C18orf54: variants seen among roughly 807,000 people sequenced by gnomAD.
C18orf54 encodes the protein chromosome 18 open reading frame 54, also known as lung adenoma susceptibility protein 2.
A neutral mutation model predicts 49.3 loss-of-function variants in C18orf54; 49 were observed. That is an observed-to-expected ratio of 0.99 (90% CI 0.79 to 1.26). The LOEUF is 1.26. Among genes scored for constraint, C18orf54 ranks in the 50% most tolerant of loss-of-function variants. The pLI is 0.00. For missense variants in C18orf54, 687 were observed against 620.6 expected (o/e 1.11, Z -1.14); for synonymous variants, 211 against 216.6 (o/e 0.97, Z 0.23).
At chr18:54,359,721 C>G (rs978027545) in intron 2 of C18orf54, among the ~76,000 whole-genome samples, 2 of 152,096 alleles carry the variant, frequency 1.3e-5, no homozygotes, top group African/African-American at 4.8e-5. Flanking sequence ...CCGGTTCGTT[C>G]TGTGATTTCT....
chr18:54,375,036 A>C (rs191072344), intron 8 of C18orf54, among the ~76,000 whole-genome samples: 16 of 152,128 alleles, frequency 1.1e-4, no homozygotes, highest in African/African-American at 3.1e-4. Context: ...TAGTTTTCAT[A>C]GTTAAAATGT....
At chr18:54,360,921 G>T in intron 3 of C18orf54, 66 bp downstream of exon 3, 1 of 1,412,514 alleles carries the variant, frequency 7.1e-7, no homozygotes, top group South Asian at 1.3e-5. Context: ...ATGTACTGTA[G>T]TATTGTAAAG....
intron 8 of C18orf54, among the ~76,000 whole-genome samples, chr18:54,374,839 C>T (rs879848897): frequency 2.0e-5 from 3 of 151,826 alleles, no homozygotes; most frequent in Admixed American, 6.6e-5. Flanking sequence ...TATGAAGTGT[C>T]CTCAGAAGAT....
intron 2 of C18orf54, among the ~76,000 whole-genome samples, chr18:54,359,569 A>G (rs994182500): frequency 1.3e-5 from 2 of 152,228 alleles, no homozygotes; most frequent in African/African-American, 2.4e-5. Flanking sequence ...AGTTGTTATA[A>G]CAAATATTTC....
Position 54,362,220 on chromosome 18 carries a change from G to A in C18orf54, c.861G>A (p.Gln287=), listed in dbSNP as rs2089286084. The part of the protein sequence containing the change: ...QRVYQIFKDD[Q]CSPRHSHQAQ... ...TTTATCAGATATTTAAAGATGATCA[G>A]TGTTCCCCTAGACATAGTCATCAGG... The change falls in exon 4 of 9, where the codon CAG becomes CAA. Residue 287 remains glutamine (Q), a synonymous_variant. Coordinates refer to ENST00000620105, the MANE Select transcript of C18orf54 (RefSeq NM_001288980.2). The A allele has an allele frequency of 1.3e-6, 2 of 1,536,324 alleles. No homozygotes were observed. The highest frequency in any genetic ancestry group is 1.2e-5 in the South Asian group (1 of 84,056).
intron 4 of C18orf54, 89 bp downstream of exon 4, chr18:54,362,520 C>A: frequency 1.7e-6 from 2 of 1,172,162 alleles, no homozygotes; most frequent in Non-Finnish European, 2.3e-6. Flanking sequence ...TATCTGGGAG[C>A]TTTTATGTTT....
At position 54,362,603 on chromosome 18, in the gene C18orf54, T is replaced by G. The variant is rs565818363; in HGVS notation, c.1073-168T>G. On this transcript the variant is annotated intron_variant, in intron 4 of 8. Transcript: ENST00000620105. Reference sequence around the variant, plus strand: ...CAGCATTTTGTAACTAGAAAATGTCTTTTCTCCCATTTTTTTCTTTGCTTG... The same window carrying G: ...CAGCATTTTGTAACTAGAAAATGTCGTTTCTCCCATTTTTTTCTTTGCTTG... 3.3e-5 allele frequency among the ~76,000 whole-genome samples: 5 copies of G among 152,344 alleles called. No homozygotes were observed. In the East Asian group the frequency reaches 9.6e-4, roughly 29 times the overall value.
At chr18:54,365,211 G>A (rs1173757706) in intron 5 of C18orf54, among the ~76,000 whole-genome samples, 1 of 151,994 alleles carries the variant, frequency 6.6e-6, no homozygotes, top group Non-Finnish European at 1.5e-5. Context: ...ATGCAGGAAT[G>A]TTAAATTTCA....
chr18:54,371,441 G>A (rs571116893), intron 6 of C18orf54, among the ~76,000 whole-genome samples: 27 of 152,018 alleles, frequency 1.8e-4, no homozygotes, highest in Non-Finnish European at 3.1e-4. Context: ...GAATAATTTT[G>A]TTGTGAACAT....
rs1281441647 is a variant in C18orf54 at position 54,362,360 on chromosome 18, G to C, written c.1001G>C (p.Cys334Ser). Reference sequence around the variant, plus strand: ...AAAGAATTAGTTAATGAATACAAATGTGATTTTGAACATAGCCAGTGTCAA... The same window carrying C: ...AAAGAATTAGTTAATGAATACAAATCTGATTTTGAACATAGCCAGTGTCAA... Reference protein sequence around the residue: ...DDKELVNEYKCDFEHSQCQCE... With the variant: ...DDKELVNEYKSDFEHSQCQCE... The change falls in exon 4 of 9, where the codon TGT (cysteine) becomes TCT (serine). Residue 334 changes from cysteine to serine, a missense_variant. Transcript: ENST00000620105. 6.5e-7 allele frequency: 1 copy of C among 1,535,758 alleles called. No homozygotes were observed.
intron 5 of C18orf54, among the ~76,000 whole-genome samples, chr18:54,363,454 A>T (rs2089313361): frequency 6.6e-6 from 1 of 151,996 alleles, no homozygotes; most frequent in African/African-American, 2.4e-5. Flanking sequence ...AGTAGGTGGG[A>T]TTACAGGCCT....
chr18:54,368,358 CTTTG>C (rs1169958835), intron 6 of C18orf54, among the ~76,000 whole-genome samples: 1 of 151,936 alleles, frequency 6.6e-6, no homozygotes, highest in Non-Finnish European at 1.5e-5. Flanking sequence ...ATTTTGAATT[CTTTG>C]TTTGCCAGAT....
rs761527339 is a variant in C18orf54, at chr18:54,361,616, TAAAC to T, written c.284-23_284-20del. 3.2e-5 allele frequency: 49 copies of T among 1,534,448 alleles called. No individual in the cohort carries two copies. The Admixed American group carries it at 4.5e-4, about 14-fold the overall frequency. ...GATATTATAAAATATTTGTATGTAA[TAAAC>T]AAAACTGTTCTTCGTTTTTCAGCTT... On this transcript the variant is annotated intron_variant, in intron 3 of 8. Coordinates refer to ENST00000620105, the MANE Select transcript of C18orf54 (RefSeq NM_001288980.2).
chr18:54,362,908 A>G lies in C18orf54; in HGVS notation c.1210A>G (p.Ile404Val), dbSNP rs1015033517. 6.3e-7 allele frequency: 1 copy of G among 1,595,850 alleles called. No individual in the cohort carries two copies. Among genetic ancestry groups the G allele is most frequent in the African/African-American group, 1.4e-5 (1 of 73,972 alleles). Reference protein sequence around the residue: ...KLEADRSWENIPVTFKSPVPV... With the variant: ...KLEADRSWENVPVTFKSPVPV... ...TGAAGCAGACAGATCATGGGAAAAT[A>G]TTCCTGTTACTTTGTAAGTAAGTGG... is the stretch of plus-strand genomic sequence containing the variant. Residue 404 changes from isoleucine to valine, a missense_variant, in exon 5 of 9, where the codon ATT becomes GTT. Physicochemically the swap from Ile to Val is conservative, Grantham distance 29. Transcript: ENST00000620105.
At chr18:54,359,253 T>C (rs1370367) in intron 2 of C18orf54, among the ~76,000 whole-genome samples, 10,179 of 152,278 alleles carry the variant, frequency 0.067, 385 homozygotes, top group African/African-American at 0.087. Flanking sequence ...GTCAGGCTTA[T>C]CCAAACAAAT....
At chr18:54,372,746 G>A in intron 7 of C18orf54, 149 bp downstream of exon 7, 1 of 641,000 alleles carries the variant, frequency 1.6e-6, no homozygotes. Flanking sequence ...TTTTTGTTAG[G>A]AAGTAATGTA....
At chr18:54,375,969 A>G (rs1230077287) in intron 8 of C18orf54, among the ~76,000 whole-genome samples, 3 of 152,198 alleles carry the variant, frequency 2.0e-5, no homozygotes, top group Non-Finnish European at 4.4e-5. Flanking sequence ...TACATCTCAG[A>G]ATTCCTTTTT....
chr18:54,367,308 A>G (rs1354337532), intron 6 of C18orf54, among the ~76,000 whole-genome samples: 1 of 151,854 alleles, frequency 6.6e-6, no homozygotes, highest in East Asian at 1.9e-4. Flanking sequence ...TCCTTTGTGT[A>G]TCTGCTCTAC....
chr18:54,373,423 A>G (rs968676166), intron 7 of C18orf54, among the ~76,000 whole-genome samples: 1 of 151,870 alleles, frequency 6.6e-6, no homozygotes, highest in Non-Finnish European at 1.5e-5. Context: ...CTGCTCCATT[A>G]GTAATTTTCA....
Sources: gnomAD v4.1 joint callset for allele counts (sites outside exome capture counted in the v4.1 genomes callset) on GRCh38, gnomAD v4.1.1 for gene constraint, MANE v1.5 for transcripts, NCBI Gene and HGNC (gene_info 2026-07-23, HGNC 2026-07-21) for gene names.